Variants in ASAP1 observed in about 807,000 individuals in gnomAD.
ASAP1 encodes arf-GAP with SH3 domain, ANK repeat and PH domain-containing protein 1.
A neutral mutation model predicts 145.2 loss-of-function variants in ASAP1; 43 were observed. That is an observed-to-expected ratio of 0.30 (90% CI 0.23 to 0.38). ASAP1 has a LOEUF of 0.38. Ranked by LOEUF, ASAP1 falls within the 10% of genes least tolerant of loss-of-function variation. The pLI is 1.00. For missense variants in ASAP1, 1,018 were observed against 1,355.3 expected (o/e 0.75, Z 3.91); for synonymous variants, 546 against 515.5 (o/e 1.06, Z -0.80).
At chr8:130,282,767 GT>G (rs2137202757) in intron 3 of ASAP1, among the ~76,000 whole-genome samples, 1 of 152,306 alleles carries the variant, frequency 6.6e-6, no homozygotes, top group African/African-American at 2.4e-5. Flanking sequence ...ATAGAGTGTG[GT>G]GGGGGTAGAC....
At chr8:130,082,007 A>G (rs2097481618) in intron 25 of ASAP1, among the ~76,000 whole-genome samples, 1 of 152,212 alleles carries the variant, frequency 6.6e-6, no homozygotes, top group Non-Finnish European at 1.5e-5. Context: ...TAAGGGTCAA[A>G]GCTGGGATGG....
chr8:130,097,091 A>G (rs2097519545), intron 24 of ASAP1, among the ~76,000 whole-genome samples: 1 of 128,812 alleles, frequency 7.8e-6, no homozygotes, highest in African/African-American at 2.9e-5. Context: ...ATGCCACTGC[A>G]CTCCAGCCTA....
At chr8:130,245,885 A>G (rs75895100) in intron 3 of ASAP1, among the ~76,000 whole-genome samples, 3,104 of 152,296 alleles carry the variant, frequency 0.02, 50 homozygotes, top group East Asian at 0.064. Context: ...TAAATATTGC[A>G]ACACATATTT....
chr8:130,330,902 T>C (rs1464939549), intron 3 of ASAP1, among the ~76,000 whole-genome samples: 1 of 152,168 alleles, frequency 6.6e-6, no homozygotes, highest in African/African-American at 2.4e-5. Context: ...GGGATGCTCC[T>C]GAAAGTACAA....
intron 3 of ASAP1, among the ~76,000 whole-genome samples, chr8:130,324,447 A>T (rs1824203185): frequency 6.6e-6 from 1 of 152,162 alleles, no homozygotes; most frequent in Non-Finnish European, 1.5e-5. Flanking sequence ...TAATTTTTTA[A>T]AAGGTTTAAA....
chr8:130,134,396 T>C (rs1352336569), intron 14 of ASAP1, 52 bp from the exon 15 acceptor site: 28 of 1,228,314 alleles, frequency 2.3e-5, no homozygotes, highest in Non-Finnish European at 3.1e-5. Flanking sequence ...CAGGGTACTT[T>C]CAGGTACAAC....
chr8:130,204,181 C>A (rs566904292), intron 5 of ASAP1, among the ~76,000 whole-genome samples: 14 of 152,210 alleles, frequency 9.2e-5, no homozygotes, highest in African/African-American at 3.1e-4. Context: ...GGAGACGGAA[C>A]CCTACTGTGA....
intron 3 of ASAP1, among the ~76,000 whole-genome samples, chr8:130,300,153 C>CACAGAGAGAGAGAGAGAG (rs1196584279): frequency 3.0e-4 from 23 of 76,918 alleles, no homozygotes; most frequent in African/African-American, 1.1e-3. Context: ...CACACACACA[C>CACAGAGAGAGAGAGAGAG]AGAGAGAGAG....
chr8:130,165,138 G>A (rs1333554842), intron 11 of ASAP1, among the ~76,000 whole-genome samples: 5 of 152,166 alleles, frequency 3.3e-5, no homozygotes, highest in African/African-American at 1.2e-4. Flanking sequence ...ATTTCATCAT[G>A]TACACATTCC....
intron 3 of ASAP1, among the ~76,000 whole-genome samples, chr8:130,350,977 A>AC (rs1359883254): frequency 6.6e-6 from 1 of 152,216 alleles, no homozygotes; most frequent in Non-Finnish European, 1.5e-5. Context: ...GGTCATTTTC[A>AC]CATCTGCCCA....
At chr8:130,304,037 A>G (rs1193641286) in intron 3 of ASAP1, among the ~76,000 whole-genome samples, 1 of 152,132 alleles carries the variant, frequency 6.6e-6, no homozygotes, top group African/African-American at 2.4e-5. Context: ...GGAAAACCAC[A>G]GTGGCAATGG....
At chr8:130,250,553 T>A (rs1016701922) in intron 3 of ASAP1, among the ~76,000 whole-genome samples, 3 of 152,088 alleles carry the variant, frequency 2.0e-5, no homozygotes, top group Non-Finnish European at 4.4e-5. Context: ...CAATTATGAG[T>A]TTAGACCCAA....
rs2097574514 is a variant in ASAP1, at chr8:130,126,103, G to A, written c.1382-14C>T. ...GCCAGGTGGGTTCTGTGGAAAGAAT[G>A]TTGAAGACAATGAAACAAAAAAGAC... On this transcript the variant is annotated splice_polypyrimidine_tract_variant and intron_variant, in intron 16 of 29. Coordinates refer to ENST00000518721, the MANE Select transcript of ASAP1 (RefSeq NM_018482.4). 6.3e-7 allele frequency: 1 copy of A among 1,594,988 alleles called. No homozygotes were observed.
At chr8:130,099,534 T>A (rs2097524964) in intron 24 of ASAP1, among the ~76,000 whole-genome samples, 1 of 152,086 alleles carries the variant, frequency 6.6e-6, no homozygotes, top group Non-Finnish European at 1.5e-5. Context: ...TTTTGCTATG[T>A]TGTCCAGGCT....
chr8:130,113,918 A>T (rs984690128), intron 23 of ASAP1, among the ~76,000 whole-genome samples: 35 of 151,974 alleles, frequency 2.3e-4, no homozygotes, highest in African/African-American at 8.2e-4. Context: ...GGCAGCTGGG[A>T]CCACAGGCGC....
chr8:130,192,893 A>G (rs1815234744), intron 5 of ASAP1, among the ~76,000 whole-genome samples: 1 of 152,228 alleles, frequency 6.6e-6, no homozygotes, highest in African/African-American at 2.4e-5. Context: ...AGGGCTATCT[A>G]TAACTGATGG....
intron 7 of ASAP1, among the ~76,000 whole-genome samples, chr8:130,183,253 G>T (rs896486400): frequency 6.9e-6 from 1 of 145,366 alleles, no homozygotes; most frequent in African/African-American, 2.5e-5. Context: ...GAATCAGAAA[G>T]GTATCAGATT....
Position 130,329,537 on chromosome 8 carries a change from T to C in ASAP1, c.186+28480A>G, listed in dbSNP as rs186718341. On this transcript the variant is annotated intron_variant, in intron 3 of 29. Coordinates refer to ENST00000518721, the MANE Select transcript of ASAP1 (RefSeq NM_018482.4). ...CTACAGACGTAGAAAGTGGCATGGGTGGGTGGCTATACAACTCGCTCAGAG... is the reference window on the plus strand; with the variant it reads ...CTACAGACGTAGAAAGTGGCATGGGCGGGTGGCTATACAACTCGCTCAGAG... Among the ~76,000 whole-genome samples, 215 of 152,162 alleles carry C rather than the reference T, an allele frequency of 1.4e-3. 4 individuals carry two copies. The highest frequency in any genetic ancestry group is 1.5e-3 in the Non-Finnish European group (100 of 67,986).
intron 3 of ASAP1, among the ~76,000 whole-genome samples, chr8:130,291,781 T>A (rs1821959347): frequency 6.6e-6 from 1 of 152,216 alleles, no homozygotes; most frequent in African/African-American, 2.4e-5. Context: ...ATTTATTTCA[T>A]TAGATCCCAA....
Sources: allele counts gnomAD v4.1 joint callset (sites outside exome capture counted in the v4.1 genomes callset), GRCh38; gene constraint gnomAD v4.1.1; transcripts MANE v1.5; gene names NCBI Gene and HGNC (gene_info 2026-07-23, HGNC 2026-07-21).